The following GABBR2 variants were observed in gnomAD, a reference collection of about 807,000 sequenced individuals.
The protein encoded by GABBR2 is gamma-aminobutyric acid type B receptor subunit 2, also known as G-protein coupled receptor 51.
GABBR2 carries 23 observed loss-of-function variants against 105.6 expected under a neutral mutation model. That is an observed-to-expected ratio of 0.22 (90% CI 0.16 to 0.31). The LOEUF (loss-of-function observed/expected upper bound fraction) is 0.31, where lower values mean the gene tolerates loss of function less well. GABBR2 is among the 10% of genes least tolerant of loss of function. The pLI is 1.00. For synonymous variants in GABBR2, 478 were observed against 499.7 expected (o/e 0.96, Z 0.58); for missense variants, 734 against 1,245.5 (o/e 0.59, Z 6.18).
chr9:98,438,406 G>T (rs1825971981), intron 7 of GABBR2, among the ~76,000 whole-genome samples: 1 of 152,030 alleles, frequency 6.6e-6, no homozygotes, highest in Admixed American at 6.6e-5. Context: ...AAAACCCTGA[G>T]GAGACATTCA....
chr9:98,642,419 T>C (rs569824399), intron 1 of GABBR2, among the ~76,000 whole-genome samples: 29 of 152,236 alleles, frequency 1.9e-4, no homozygotes, highest in Admixed American at 2.0e-4. Flanking sequence ...CCATTCCCCA[T>C]GCCGTCCTAA....
chr9:98,573,251 T>A (rs1319083364), intron 2 of GABBR2, among the ~76,000 whole-genome samples: 1 of 152,226 alleles, frequency 6.6e-6, no homozygotes, highest in African/African-American at 2.4e-5. Flanking sequence ...TATGGAAGAC[T>A]GGCATATAGA....
At chr9:98,413,412 T>C (rs1832624076) in intron 7 of GABBR2, among the ~76,000 whole-genome samples, 1 of 152,124 alleles carries the variant, frequency 6.6e-6, no homozygotes, top group Non-Finnish European at 1.5e-5. Context: ...AATAATTGAG[T>C]ATATCCACCC....
At chr9:98,410,698 G>C (rs1297321945) in intron 7 of GABBR2, among the ~76,000 whole-genome samples, 2 of 151,804 alleles carry the variant, frequency 1.3e-5, no homozygotes, top group Non-Finnish European at 2.9e-5. Context: ...AGCCTCGGAG[G>C]CCTGTCTACC....
intron 10 of GABBR2, among the ~76,000 whole-genome samples, chr9:98,387,664 T>C (rs934866607): frequency 6.6e-6 from 1 of 152,118 alleles, no homozygotes; most frequent in Non-Finnish European, 1.5e-5. Context: ...CAGTGGCTCA[T>C]GCCTCTAATT....
chr9:98,537,561 G>A (rs950579007), intron 3 of GABBR2, among the ~76,000 whole-genome samples: 16 of 152,048 alleles, frequency 1.1e-4, no homozygotes, highest in Admixed American at 3.3e-4. Flanking sequence ...AGCCTCTCAG[G>A]TAGCTGGGAC....
chr9:98,385,797 T>C (rs774470694), intron 10 of GABBR2, 25 bp from the exon 11 acceptor site: 33 of 1,590,104 alleles, frequency 2.1e-5, no homozygotes, highest in Non-Finnish European at 2.8e-5. Flanking sequence ...AGACAATAGA[T>C]TTAACAGAAT....
At chr9:98,304,831 C>T (rs1165360158) in intron 15 of GABBR2, among the ~76,000 whole-genome samples, 3 of 102,078 alleles carry the variant, frequency 2.9e-5, no homozygotes, top group South Asian at 3.9e-4. Context: ...AGTGCAATGG[C>T]GCAATCTTAG....
chr9:98,409,500 C>G (rs1832547630), intron 7 of GABBR2, among the ~76,000 whole-genome samples: 1 of 152,206 alleles, frequency 6.6e-6, no homozygotes, highest in Admixed American at 6.5e-5. Flanking sequence ...CAGTGCCTGT[C>G]TTCCGTTTGA....
chr9:98,333,951 T>C (rs974252245), intron 13 of GABBR2, among the ~76,000 whole-genome samples: 1 of 152,212 alleles, frequency 6.6e-6, no homozygotes, highest in Non-Finnish European at 1.5e-5. Flanking sequence ...AATTCCCACA[T>C]GGGGTTGTTG....
chr9:98,601,531 T>C (rs1319454387), intron 1 of GABBR2, among the ~76,000 whole-genome samples: 1 of 151,938 alleles, frequency 6.6e-6, no homozygotes, highest in Non-Finnish European at 1.5e-5. Flanking sequence ...AAAAAGAAAA[T>C]AATAAATGAA....
chr9:98,323,710 C>T (rs1017892342), intron 13 of GABBR2, among the ~76,000 whole-genome samples: 1 of 152,234 alleles, frequency 6.6e-6, no homozygotes, highest in African/African-American at 2.4e-5. Context: ...TGTTCCCACT[C>T]AGCCCTGGCA....
At chr9:98,689,413 A>C (rs555596768) in intron 1 of GABBR2, among the ~76,000 whole-genome samples, 1 of 152,332 alleles carries the variant, frequency 6.6e-6, no homozygotes, top group South Asian at 2.1e-4. Flanking sequence ...TACTACCTAT[A>C]AAGTCCTTAG....
chr9:98,392,841 C>T (rs1832206490), intron 9 of GABBR2, among the ~76,000 whole-genome samples: 1 of 152,110 alleles, frequency 6.6e-6, no homozygotes, highest in African/African-American at 2.4e-5. Context: ...ACTCACCCTC[C>T]TATACATCTA....
intron 13 of GABBR2, among the ~76,000 whole-genome samples, chr9:98,315,662 C>G (rs939036307): frequency 2.6e-5 from 4 of 152,266 alleles, no homozygotes; most frequent in South Asian, 2.1e-4. Flanking sequence ...TACCCACCCC[C>G]CAACCCCCAG....
At chr9:98,674,186 G>A (rs1830444269) in intron 1 of GABBR2, among the ~76,000 whole-genome samples, 1 of 152,018 alleles carries the variant, frequency 6.6e-6, no homozygotes, top group South Asian at 2.1e-4. Context: ...AGGAGCCTAA[G>A]ATAGAGTAGC....
chr9:98,449,117 C>G (rs1435906978), intron 7 of GABBR2, among the ~76,000 whole-genome samples: 6 of 152,208 alleles, frequency 3.9e-5, no homozygotes, highest in East Asian at 1.9e-4. Context: ...GAAGAGGGGC[C>G]TGGTATTGCA....
chr9:98,362,083 GC>G (rs1168569144), intron 13 of GABBR2, among the ~76,000 whole-genome samples: 2 of 152,212 alleles, frequency 1.3e-5, no homozygotes, highest in East Asian at 3.8e-4. Flanking sequence ...CTGCAGCTCA[GC>G]TGTAGCCCGC....
At chr9:98,544,534 A>C (rs1164677847) in intron 2 of GABBR2, among the ~76,000 whole-genome samples, 1 of 152,168 alleles carries the variant, frequency 6.6e-6, no homozygotes, top group East Asian at 1.9e-4. Context: ...ACGAGGACTA[A>C]TGAGAGGGAA....
Sources: allele counts gnomAD v4.1 joint callset (sites outside exome capture counted in the v4.1 genomes callset), GRCh38; gene constraint gnomAD v4.1.1; transcripts MANE v1.5; gene names NCBI Gene and HGNC (gene_info 2026-07-23, HGNC 2026-07-21).